The following SRRM1 variants were observed in gnomAD, a reference collection of about 807,000 sequenced individuals.
SRRM1 encodes the protein serine and arginine repetitive matrix 1.
SRRM1 carries 19 observed loss-of-function variants against 110.2 expected under a neutral mutation model. The observed-to-expected ratio is 0.17, with a 90% CI of 0.12 to 0.25. The LOEUF (loss-of-function observed/expected upper bound fraction) is 0.25. Ranked by LOEUF, SRRM1 falls within the 10% of genes least tolerant of loss-of-function variation. SRRM1 has a pLI of 1.00. For synonymous variants in SRRM1, 443 were observed against 414.9 expected (o/e 1.07, Z -0.82); for missense variants, 918 against 1,145.8 (o/e 0.80, Z 2.87).
chr1:24,645,344 C>T (rs571541623), intron 1 of SRRM1, among the ~76,000 whole-genome samples: 3 of 152,270 alleles, frequency 2.0e-5, no homozygotes, highest in South Asian at 4.1e-4. Flanking sequence ...CAGTTATTTC[C>T]GTGTTTAATT....
chr1:24,655,118 C>T lies in SRRM1; in HGVS notation c.1304C>T (p.Thr435Ile), dbSNP rs1663250332. 6.2e-7 allele frequency: 1 copy of T among 1,613,854 alleles called. No individual in the cohort carries two copies. Residue 435 changes from threonine (T) to isoleucine (I), a missense_variant, in exon 9 of 17, where the codon ACT (threonine) becomes ATT (isoleucine). Transcript: ENST00000323848. ...KSRVSVSPGRTSGKVTKHKGT... is the reference protein window; with the variant it reads ...KSRVSVSPGRISGKVTKHKGT... ...CGTGTTTCTGTGTCTCCAGGGAGAA[C>T]TTCAGGTAAAGGTAAAAATCAAACA...
intron 6 of SRRM1, among the ~76,000 whole-genome samples, 164 bp downstream of exon 6, chr1:24,651,776 G>C (rs779029583): frequency 2.6e-5 from 4 of 151,760 alleles, no homozygotes; most frequent in Non-Finnish European, 4.4e-5. Flanking sequence ...TATATTAGAA[G>C]AAAATGCCCC....
intron 9 of SRRM1, among the ~76,000 whole-genome samples, chr1:24,655,382 G>T (rs1240364537): frequency 6.6e-6 from 1 of 152,106 alleles, no homozygotes; most frequent in Non-Finnish European, 1.5e-5. Context: ...TACCAGCCGT[G>T]GGCTGTTTGA....
chr1:24,665,084 A>G (rs1669239921), intron 12 of SRRM1, among the ~76,000 whole-genome samples: 1 of 152,176 alleles, frequency 6.6e-6, no homozygotes, highest in South Asian at 2.1e-4. Flanking sequence ...TAGGATTTAG[A>G]GATGGAGGAA....
intron 11 of SRRM1, 81 bp from the exon 12 acceptor site, chr1:24,662,579 T>G: frequency 6.9e-7 from 1 of 1,450,098 alleles, no homozygotes; most frequent in South Asian, 1.2e-5. Context: ...TAGTGAACAC[T>G]CCATCCACCT....
At chr1:24,651,658 A>C (rs777429221) in intron 6 of SRRM1, 46 bp downstream of exon 6, 1 of 1,376,960 alleles carries the variant, frequency 7.3e-7, no homozygotes, top group Non-Finnish European at 1.0e-6. Flanking sequence ...ATTTTAGATT[A>C]ATAGTGACTG....
intron 4 of SRRM1, 120 bp downstream of exon 4, chr1:24,649,149 T>G (rs934005638): frequency 8.1e-6 from 7 of 861,892 alleles, no homozygotes; most frequent in Non-Finnish European, 1.1e-5. Flanking sequence ...CTGTACTGTA[T>G]TTAAACATTC....
chr1:24,663,240 CT>C (rs1214809817), intron 12 of SRRM1: 63 of 1,491,420 alleles, frequency 4.2e-5, no homozygotes, highest in Non-Finnish European at 5.7e-5. Flanking sequence ...TTAGACACTA[CT>C]TTGTAAATTA....
At chr1:24,660,567 T>C (rs1205313680) in intron 9 of SRRM1, 152 bp from the exon 10 acceptor site, 4 of 356,402 alleles carry the variant, frequency 1.1e-5, no homozygotes, top group African/African-American at 2.1e-5. Context: ...GGAGGATTGC[T>C]TGAGGTCAGG....
chr1:24,668,494 G>T (rs1190063398), intron 13 of SRRM1, among the ~76,000 whole-genome samples: 1 of 152,170 alleles, frequency 6.6e-6, no homozygotes, highest in African/African-American at 2.4e-5. Flanking sequence ...CTAACTCTGG[G>T]CAGGAATTTA....
In SRRM1 at chr1:24,663,122, A is replaced by C. The variant is rs548458430; in HGVS notation, c.1628+318A>C. 8.1e-5 allele frequency: 115 copies of C among 1,411,526 alleles called. No homozygotes were observed. The African/African-American group carries it at 1.4e-3, about 18-fold the overall frequency. 87.4% of individuals were successfully genotyped at this position (1,411,526 alleles called of 1,614,324 possible). Reference sequence around the variant, plus strand: ...TGTCTCCATTAATGGTACTTAATCCACCCAAGTAAATAATTTAGTGAATGG... The same window carrying C: ...TGTCTCCATTAATGGTACTTAATCCCCCCAAGTAAATAATTTAGTGAATGG... On this transcript the variant is annotated intron_variant, in intron 12 of 16. Coordinates refer to ENST00000323848, the MANE Select transcript of SRRM1 (RefSeq NM_005839.4).
intron 10 of SRRM1, chr1:24,661,010 C>A (rs1034168903): frequency 1.9e-6 from 1 of 535,998 alleles, no homozygotes; most frequent in African/African-American, 1.9e-5. Flanking sequence ...CTGAGCCTTT[C>A]TTCTTTCATC....
Position 24,652,580 on chromosome 1 carries a change from G to C in SRRM1, c.872G>C (p.Arg291Pro), listed in dbSNP as rs142015455. ...AAATCAAGATCCCGGACGCGGTCCC[G>C]CTCTCCTTCTCACACTCGACCTAGA... Reference protein sequence around the residue: ...RSKSRSRTRSRSPSHTRPRRR... With the variant: ...RSKSRSRTRSPSPSHTRPRRR... The change falls in exon 7 of 17, where the codon CGC becomes CCC. Residue 291 changes from arginine to proline, a missense_variant. Around this residue, in one of 5 missense-constraint regions of SRRM1, gnomAD observed 456 missense variants for 453.5 expected, o/e 1.01. Coordinates refer to ENST00000323848, the MANE Select transcript of SRRM1 (RefSeq NM_005839.4). The C allele has an allele frequency of 1.6e-5, 26 of 1,613,256 alleles. No homozygotes were observed. The African/African-American group carries it at 2.9e-4, about 18-fold the overall frequency.
chr1:24,652,488 T>C lies in SRRM1; in HGVS notation c.780T>C (p.Ser260=), dbSNP rs1557673796. The C allele has an allele frequency of 6.2e-7, 1 of 1,608,204 alleles. No homozygotes were observed. ...PEPIPEPKEP[S]PEKNSKKEKE... is the part of the protein sequence containing the mutation. ...CTATACCAGAGCCTAAAGAACCTTCTCCGGAAAAAAATTCCAAAAAAGAAA... is the reference window on the plus strand; with the variant it reads ...CTATACCAGAGCCTAAAGAACCTTCCCCGGAAAAAAATTCCAAAAAAGAAA... Residue 260 remains serine (S), a synonymous_variant, in exon 7 of 17, where the codon TCT becomes TCC. Coordinates refer to ENST00000323848, the MANE Select transcript of SRRM1 (RefSeq NM_005839.4).
chr1:24,653,091 T>C, intron 8 of SRRM1, 59 bp downstream of exon 8: 1 of 1,533,914 alleles, frequency 6.5e-7, no homozygotes, highest in Non-Finnish European at 8.9e-7. Context: ...AATCTTTCTT[T>C]TAGGATAATC....
Position 24,660,794 on chromosome 1 carries a change from A to G in SRRM1, c.1391A>G (p.Glu464Gly), listed in dbSNP as rs1237556543. 2.5e-6 allele frequency: 4 copies of G among 1,591,196 alleles called. No homozygotes were observed. The highest frequency in any genetic ancestry group is 2.6e-6 in the Non-Finnish European group (3 of 1,170,606). Residue 464 changes from glutamate (E) to glycine (G), a missense_variant, in exon 10 of 17, where the codon GAA (glutamate) becomes GGA (glycine). Transcript: ENST00000323848. ...APKPRKVELSESEEDKGGKMA... is the reference protein window; with the variant it reads ...APKPRKVELSGSEEDKGGKMA... Reference sequence around the variant, plus strand: ...AAGCCTAGAAAAGTAGAGTTATCTGAATCGGGTAAGTTTGTTGTTTTTTTT... The same window carrying G: ...AAGCCTAGAAAAGTAGAGTTATCTGGATCGGGTAAGTTTGTTGTTTTTTTT...
chr1:24,671,624 T>G, intron 16 of SRRM1, 29 bp downstream of exon 16: 1 of 1,546,584 alleles, frequency 6.5e-7, no homozygotes, highest in Non-Finnish European at 8.7e-7. Flanking sequence ...TATGGCTGTC[T>G]TGCAGTTTAC....
In SRRM1 at chr1:24,652,029, A is replaced by AATATATATATATATAT. The variant is rs1215778545; in HGVS notation, c.726-386_726-371dup. Among the ~76,000 whole-genome samples the AATATATATATATATAT allele has an allele frequency of 9.6e-3, 763 of 79,708 alleles. 22 individuals carry two copies. The highest frequency in any genetic ancestry group is 0.016 in the East Asian group (34 of 2,066). 52.3% of individuals were successfully genotyped at this position (79,708 alleles called of 152,430 possible). ...ATGGTGAAACTCCATCTGTACTAAA[A>AATATATATATATATAT]ATATATATATATATATATATATATA... On this transcript the variant is annotated intron_variant, in intron 6 of 16. Transcript: ENST00000323848.
At chr1:24,657,205 C>G (rs1274116590) in intron 9 of SRRM1, among the ~76,000 whole-genome samples, 2 of 152,116 alleles carry the variant, frequency 1.3e-5, no homozygotes, top group African/African-American at 4.8e-5. Flanking sequence ...CACACCCGGC[C>G]CAGACAACCT....
Sources: allele counts gnomAD v4.1 joint callset (sites outside exome capture counted in the v4.1 genomes callset), GRCh38; gene constraint gnomAD v4.1.1; regional missense constraint gnomAD v4.1.1; transcripts MANE v1.5; gene names NCBI Gene and HGNC (gene_info 2026-07-23, HGNC 2026-07-21).